LRRC4C: variants seen among roughly 807,000 people sequenced by gnomAD.
LRRC4C encodes the protein leucine-rich repeat-containing protein 4C.
A neutral mutation model predicts 33.6 loss-of-function variants in LRRC4C; 5 were observed. That is an observed-to-expected ratio of 0.15 (90% CI 0.08 to 0.31). The LOEUF (loss-of-function observed/expected upper bound fraction) is 0.31. LRRC4C is among the 10% of genes least tolerant of loss of function. The pLI is 1.00. For missense variants in LRRC4C, 560 were observed against 796.7 expected, an observed-to-expected ratio of 0.70 and a Z score of 3.58; for synonymous variants, 329 against 302.0, an observed-to-expected ratio of 1.09 and a Z score of -0.93.
chr11:41,003,723 T>C (rs923058192), intron 1 of LRRC4C, among the ~76,000 whole-genome samples: 9 of 151,784 alleles, frequency 5.9e-5, no homozygotes, highest in Non-Finnish European at 1.3e-4. Context: ...TATGCCTTCA[T>C]AAATACTTTA....
At chr11:40,734,503 G>C (rs540121687) in intron 2 of LRRC4C, among the ~76,000 whole-genome samples, 118 of 152,180 alleles carry the variant, frequency 7.8e-4, no homozygotes, top group African/African-American at 2.7e-3. Context: ...ACACAGGTTG[G>C]CAAATTTGCT....
intron 1 of LRRC4C, among the ~76,000 whole-genome samples, chr11:41,390,046 G>A (rs2137987530): frequency 6.6e-6 from 1 of 151,980 alleles, no homozygotes; most frequent in East Asian, 1.9e-4. Context: ...CCTGTTCTGA[G>A]TATGTCTATC....
At chr11:40,532,138 A>G (rs1956296038) in intron 3 of LRRC4C, among the ~76,000 whole-genome samples, 1 of 151,276 alleles carries the variant, frequency 6.6e-6, no homozygotes, top group East Asian at 1.9e-4. Context: ...GGAATTTGCC[A>G]GAGGTCACAA....
At chr11:40,973,421 G>T (rs929926987) in intron 1 of LRRC4C, among the ~76,000 whole-genome samples, 3 of 152,144 alleles carry the variant, frequency 2.0e-5, no homozygotes, top group African/African-American at 7.2e-5. Flanking sequence ...ACAGTGCCTT[G>T]TCAAGAAATA....
intron 2 of LRRC4C, among the ~76,000 whole-genome samples, chr11:40,822,255 T>C (rs1951961892): frequency 6.6e-6 from 1 of 151,760 alleles, no homozygotes; most frequent in African/African-American, 2.4e-5. Context: ...GTGATATTTG[T>C]CTTTCTGTGC....
intron 2 of LRRC4C, among the ~76,000 whole-genome samples, chr11:40,903,986 G>A (rs1433578325): frequency 1.3e-5 from 2 of 151,948 alleles, no homozygotes; most frequent in Non-Finnish European, 2.9e-5. Context: ...AGTGGCAGAA[G>A]TAACTGCAAA....
intron 4 of LRRC4C, among the ~76,000 whole-genome samples, chr11:40,248,819 C>G (rs890082429): frequency 1.3e-5 from 2 of 152,178 alleles, no homozygotes; most frequent in African/African-American, 4.8e-5. Context: ...TATCAAATAT[C>G]ACTTGTCCCT....
At chr11:40,163,315 G>A (rs940746672) in intron 5 of LRRC4C, among the ~76,000 whole-genome samples, 1 of 152,208 alleles carries the variant, frequency 6.6e-6, no homozygotes, top group Admixed American at 6.5e-5. Flanking sequence ...AAGATTGCCT[G>A]TCTTTCAGAG....
At chr11:40,722,947 T>C (rs1185398578) in intron 2 of LRRC4C, among the ~76,000 whole-genome samples, 1 of 152,100 alleles carries the variant, frequency 6.6e-6, no homozygotes. Context: ...CTACAGGAAT[T>C]TCAAAATACA....
intron 1 of LRRC4C, among the ~76,000 whole-genome samples, chr11:40,936,014 T>TTATATATATATATA (rs56879078): frequency 1.8e-4 from 9 of 49,308 alleles, no homozygotes; most frequent in Non-Finnish European, 2.8e-4. Context: ...ATGCCAAATT[T>TTATATATATATATA]TATATATATA....
At chr11:41,197,825 A>G (rs566935988) in intron 1 of LRRC4C, among the ~76,000 whole-genome samples, 1 of 152,092 alleles carries the variant, frequency 6.6e-6, no homozygotes, top group East Asian at 1.9e-4. Context: ...CAATGCCTAC[A>G]TCATGGAAAG....
intron 1 of LRRC4C, among the ~76,000 whole-genome samples, chr11:41,345,030 G>C (rs997127214): frequency 6.6e-6 from 1 of 152,020 alleles, no homozygotes; most frequent in African/African-American, 2.4e-5. Flanking sequence ...ATGATGGTTT[G>C]TGTATTCCTC....
intron 1 of LRRC4C, among the ~76,000 whole-genome samples, chr11:40,942,533 G>A: frequency 6.6e-6 from 1 of 152,158 alleles, no homozygotes; most frequent in East Asian, 1.9e-4. Context: ...TGGTGAGTGT[G>A]GGGGCGTTGC....
At position 41,351,595 on chromosome 11, in the gene LRRC4C, A is replaced by T. The variant is rs544220721; in HGVS notation, c.-496+107836T>A. Among the ~76,000 whole-genome samples the T allele has an allele frequency of 4.7e-4, 71 of 152,172 alleles. 1 individual carries two copies. The highest frequency in any genetic ancestry group is 8.1e-4 in the Non-Finnish European group (55 of 68,028). On this transcript the variant is annotated intron_variant, in intron 1 of 6. Transcript: ENST00000528697. ...AAAAATACTGAAGGCAGCTAGAGAA[A>T]AGGGGCAGGTCACAAACAAAGGGAA... is the stretch of plus-strand genomic sequence containing the variant.
intron 6 of LRRC4C, among the ~76,000 whole-genome samples, chr11:40,125,117 C>T (rs1856117110): frequency 6.6e-6 from 1 of 152,092 alleles, no homozygotes. Context: ...ATTGATAGTA[C>T]CATTCCTGCT....
chr11:41,408,082 T>G (rs1412190095), intron 1 of LRRC4C, among the ~76,000 whole-genome samples: 1 of 152,134 alleles, frequency 6.6e-6, no homozygotes, highest in Non-Finnish European at 1.5e-5. Flanking sequence ...ATTGTTGGCA[T>G]TATTAGTCTC....
At chr11:40,982,312 G>A (rs1370643184) in intron 1 of LRRC4C, among the ~76,000 whole-genome samples, 1 of 152,146 alleles carries the variant, frequency 6.6e-6, no homozygotes, top group Non-Finnish European at 1.5e-5. Flanking sequence ...AAATACAGTG[G>A]TGTTGAAAAG....
chr11:40,325,992 T>C lies in LRRC4C; in HGVS notation c.-269-6271A>G, dbSNP rs1178023849. ...CTGTAACTGGTTCTCTGTCTAGCCA[T>C]GGGTGAGAAGAACATTGATCCAACC... On this transcript the variant is annotated intron_variant, in intron 3 of 6. Transcript: ENST00000528697. 2.7e-5 allele frequency among the ~76,000 whole-genome samples: 4 copies of C among 150,764 alleles called. No homozygotes were observed. The East Asian group carries it at 7.9e-4, about 30-fold the overall frequency.
At chr11:41,457,026 G>A (rs1316816164) in intron 1 of LRRC4C, among the ~76,000 whole-genome samples, 2 of 152,170 alleles carry the variant, frequency 1.3e-5, no homozygotes, top group Admixed American at 6.5e-5. Context: ...TCATGAAAGT[G>A]TTGCTATCGC....
Sources: allele counts gnomAD v4.1 joint callset (sites outside exome capture counted in the v4.1 genomes callset), GRCh38; gene constraint gnomAD v4.1.1; transcripts MANE v1.5; gene names NCBI Gene and HGNC (gene_info 2026-07-23, HGNC 2026-07-21).